The following CDH6 variants were observed in gnomAD, a reference collection of about 807,000 sequenced individuals.
CDH6 encodes cadherin 6.
In CDH6, 31 loss-of-function variants were observed where a neutral mutation model predicts 78.0. That is an observed-to-expected ratio of 0.40 (90% CI 0.30 to 0.54). CDH6 has a LOEUF of 0.54. CDH6 is among the 20% of genes least tolerant of loss of function. The pLI is 0.56. For synonymous variants in CDH6, 376 were observed against 368.8 expected (o/e 1.02, Z -0.23); for missense variants, 724 against 975.9 (o/e 0.74, Z 3.44).
chr5:31,258,111 A>G (rs1174849429), intron 1 of CDH6, among the ~76,000 whole-genome samples: 1 of 152,224 alleles, frequency 6.6e-6, no homozygotes, highest in Admixed American at 6.5e-5. Flanking sequence ...TAGAAATACC[A>G]TTTGACCCAG....
At chr5:31,302,972 G>GAAAGA (rs1737872915) in intron 6 of CDH6, among the ~76,000 whole-genome samples, 3 of 142,044 alleles carry the variant, frequency 2.1e-5, no homozygotes, top group Non-Finnish European at 3.1e-5. Context: ...AGAAAAGAAA[G>GAAAGA]AAAGAAAGAA....
intron 11 of CDH6, among the ~76,000 whole-genome samples, chr5:31,320,101 C>T (rs1464519116): frequency 6.6e-6 from 1 of 152,156 alleles, no homozygotes; most frequent in Non-Finnish European, 1.5e-5. Context: ...GACTCAGTTC[C>T]TGCTGAGGGC....
At chr5:31,316,774 T>G (rs997037759) in intron 9 of CDH6, among the ~76,000 whole-genome samples, 6 of 152,228 alleles carry the variant, frequency 3.9e-5, no homozygotes, top group African/African-American at 1.4e-4. Flanking sequence ...AATAGTTCTT[T>G]GCTGCCAGTG....
intron 1 of CDH6, among the ~76,000 whole-genome samples, chr5:31,240,098 C>G (rs796409521): frequency 6.6e-6 from 1 of 152,098 alleles, no homozygotes; most frequent in South Asian, 2.1e-4. Flanking sequence ...AAGAGAGTCC[C>G]AGGCCTTAAA....
chr5:31,272,896 T>A (rs1178523338), intron 2 of CDH6, among the ~76,000 whole-genome samples: 1 of 152,198 alleles, frequency 6.6e-6, no homozygotes. Context: ...TTCAAAAAAA[T>A]TGATAGGCTG....
chr5:31,201,185 G>A (rs753614936), intron 1 of CDH6, among the ~76,000 whole-genome samples: 8 of 151,990 alleles, frequency 5.3e-5, no homozygotes, highest in Non-Finnish European at 1.0e-4. Context: ...GGATACTTGC[G>A]GTGAAGATAA....
intron 1 of CDH6, among the ~76,000 whole-genome samples, chr5:31,262,291 T>C (rs924315128): frequency 1.3e-5 from 2 of 152,250 alleles, no homozygotes; most frequent in Non-Finnish European, 2.9e-5. Flanking sequence ...ACCAAAGCTA[T>C]GTGGGCCTTG....
chr5:31,306,099 A>C (rs967595916), intron 7 of CDH6, among the ~76,000 whole-genome samples: 4 of 152,202 alleles, frequency 2.6e-5, no homozygotes, highest in Non-Finnish European at 5.9e-5. Flanking sequence ...AAAAAGTATG[A>C]TTTTTAACAA....
At chr5:31,216,308 A>G (rs180986838) in intron 1 of CDH6, among the ~76,000 whole-genome samples, 1 of 152,282 alleles carries the variant, frequency 6.6e-6, no homozygotes, top group African/African-American at 2.4e-5. Context: ...ACAGCAATCT[A>G]TGGCTCTCAG....
chr5:31,273,688 C>A (rs1579871992), intron 2 of CDH6, among the ~76,000 whole-genome samples: 2 of 152,190 alleles, frequency 1.3e-5, no homozygotes, highest in East Asian at 3.9e-4. Flanking sequence ...CTACGCAATA[C>A]CACAAATACT....
intron 1 of CDH6, among the ~76,000 whole-genome samples, chr5:31,241,252 G>A (rs1367658234): frequency 6.6e-6 from 1 of 152,208 alleles, no homozygotes; most frequent in Non-Finnish European, 1.5e-5. Flanking sequence ...CCAAGGCTGA[G>A]TTTTCAGGCA....
intron 1 of CDH6, among the ~76,000 whole-genome samples, chr5:31,228,511 A>G (rs369108490): frequency 2.2e-4 from 33 of 152,180 alleles, no homozygotes; most frequent in African/African-American, 7.5e-4. Flanking sequence ...AGCTTTGCCA[A>G]TAACCCAGTT....
intron 1 of CDH6, among the ~76,000 whole-genome samples, chr5:31,237,601 A>T (rs976886796): frequency 6.6e-6 from 1 of 152,148 alleles, no homozygotes; most frequent in African/African-American, 2.4e-5. Flanking sequence ...CCCCCAGACA[A>T]CCTTAAACCA....
At position 31,294,021 on chromosome 5, in the gene CDH6, A is replaced by C. The variant is rs1737500435; in HGVS notation, c.288A>C (p.Gly96=). 2 of 1,612,956 alleles carry C rather than the reference A, an allele frequency of 1.2e-6. No homozygotes were observed. The highest frequency in any genetic ancestry group is 1.7e-6 in the Non-Finnish European group (2 of 1,179,090). ...TTAAATATATCCTTTCAGGAGATGG[A>C]GCAGGAGATCTCTTCATTATTAATG... is the stretch of plus-strand genomic sequence containing the variant. The part of the protein sequence containing the change: ...GSLKYILSGD[G]AGDLFIINEN... The change falls in exon 3 of 12, where the codon GGA becomes GGC. Residue 96 remains glycine (G), a synonymous_variant. Coordinates refer to ENST00000265071, the MANE Select transcript of CDH6 (RefSeq NM_004932.4). The surrounding 1 kb of genome is among the most constrained non-coding windows in gnomAD (Gnocchi z 4.1).
intron 1 of CDH6, among the ~76,000 whole-genome samples, chr5:31,210,736 C>A (rs180717037): frequency 2.0e-5 from 3 of 152,256 alleles, no homozygotes; most frequent in African/African-American, 7.2e-5. Flanking sequence ...CTTATAATAC[C>A]TAATACACTA....
rs576373673 is a variant in CDH6 at position 31,282,078 on chromosome 5, C to T, written c.229-11884C>T. Reference sequence around the variant, plus strand: ...CCACTGGGATTCTTGAAGGACCACACGCAGTTTCAGTTCACGTTGAATTTC... The same window carrying T: ...CCACTGGGATTCTTGAAGGACCACATGCAGTTTCAGTTCACGTTGAATTTC... On this transcript the variant is annotated intron_variant, in intron 2 of 11. Coordinates refer to ENST00000265071, the MANE Select transcript of CDH6 (RefSeq NM_004932.4). Among the ~76,000 whole-genome samples, 15 of 152,278 alleles carry T rather than the reference C, an allele frequency of 9.9e-5. No individual in the cohort carries two copies. The South Asian group carries it at 1.9e-3, about 19-fold the overall frequency.
chr5:31,247,319 GAGA>G (rs1401952321), intron 1 of CDH6, among the ~76,000 whole-genome samples: 1 of 152,146 alleles, frequency 6.6e-6, no homozygotes, highest in Non-Finnish European at 1.5e-5. Flanking sequence ...CAGTTTAGAG[GAGA>G]AGAAGCTAAA....
intron 1 of CDH6, among the ~76,000 whole-genome samples, chr5:31,266,675 C>T (rs1211861608): frequency 6.6e-6 from 1 of 151,966 alleles, no homozygotes. Context: ...TTGGGAAATG[C>T]TGGATTAAAT....
chr5:31,232,178 T>C (rs1342300734), intron 1 of CDH6, among the ~76,000 whole-genome samples: 2 of 152,200 alleles, frequency 1.3e-5, no homozygotes, highest in African/African-American at 4.8e-5. Context: ...AAATGAGTCT[T>C]AAACAGTATT....
Sources: gnomAD v4.1 joint callset for allele counts (sites outside exome capture counted in the v4.1 genomes callset) on GRCh38, gnomAD v4.1.1 for gene constraint, Gnocchi (gnomAD v3.1) non-coding constraint, MANE v1.5 for transcripts, NCBI Gene and HGNC (gene_info 2026-07-23, HGNC 2026-07-21) for gene names.